RAD52: variants seen among roughly 807,000 people sequenced by gnomAD.
RAD52 encodes the protein DNA repair protein RAD52 homolog.
In RAD52, 47 loss-of-function variants were observed where a neutral mutation model predicts 55.5. The ratio of observed to expected loss-of-function variants is 0.85; its 90% CI spans 0.67 to 1.08. The LOEUF (loss-of-function observed/expected upper bound fraction) is 1.08. RAD52 is among the 50% of genes least tolerant of loss of function. RAD52 has a pLI of 0.00. For synonymous variants in RAD52, 184 were observed against 198.9 expected (o/e 0.92, Z 0.63); for missense variants, 468 against 522.8 (o/e 0.90, Z 1.02).
chr12:912,661 TGGAGAGAGCTGTGTTTGC>T lies in RAD52; in HGVS notation c.*712_*729del. 6.4e-6 allele frequency: 1 copy of T among 155,928 alleles called. No individual in the cohort carries two copies. The highest frequency in any genetic ancestry group is 1.3e-5 in the Non-Finnish European group (1 of 77,658). 9.7% of individuals were successfully genotyped at this position (155,928 alleles called of 1,614,324 possible). ...AGTATCACTTGGGCCCAAGAGGTTGTGGAGAGAGCTGTGTTTGCACCACTGAACTCCAGTCAGGGCAAC... is the reference window on the plus strand; with the variant it reads ...AGTATCACTTGGGCCCAAGAGGTTGTACCACTGAACTCCAGTCAGGGCAAC... On this transcript the variant is annotated 3_prime_UTR_variant, in exon 12 of 12. Coordinates refer to ENST00000358495, the MANE Select transcript of RAD52 (RefSeq NM_134424.4).
At chr12:945,842 G>T (rs964601122) in intron 1 of RAD52, among the ~76,000 whole-genome samples, 4 of 151,582 alleles carry the variant, frequency 2.6e-5, no homozygotes, top group South Asian at 4.2e-4. Context: ...GGCCAACATG[G>T]TGAAACTCCG....
chr12:930,356 G>A (rs1399455812), intron 3 of RAD52, among the ~76,000 whole-genome samples: 1 of 151,684 alleles, frequency 6.6e-6, no homozygotes, highest in Non-Finnish European at 1.5e-5. Flanking sequence ...TCCAGCCTAA[G>A]TGACAGAGTG....
At chr12:919,503 T>A (rs1045500208) in intron 7 of RAD52, among the ~76,000 whole-genome samples, 1 of 151,982 alleles carries the variant, frequency 6.6e-6, no homozygotes. Context: ...CCCAGAACTT[T>A]GGGAGGCCAA....
chr12:916,770 C>T lies in RAD52; in HGVS notation c.594G>A (p.Pro198=), dbSNP rs1241277375. The change falls in exon 8 of 12, where the codon CCG becomes CCA. Residue 198 remains proline, a synonymous_variant. Coordinates refer to ENST00000358495, the MANE Select transcript of RAD52 (RefSeq NM_134424.4). ...TGTTGTATCTTGCCTCCTCCACAGA[C>T]GGTTCAAGATCTTGTCTCTTCGCTT... ...LTKAKRQDLE[P]SVEEARYNSC... is the part of the protein sequence containing the mutation. 1 of 1,614,002 alleles carries T rather than the reference C, an allele frequency of 6.2e-7. No individual in the cohort carries two copies. The highest frequency in any genetic ancestry group is 1.3e-5 in the African/African-American group (1 of 74,926).
In RAD52 at chr12:978,982, A is replaced by T. The variant is rs369059444; in HGVS notation, c.-19+10827T>A. On this transcript the variant is annotated intron_variant, in intron 1 of 11. Transcript: ENST00000430095. Reference sequence around the variant, plus strand: ...GATTCAAAATGTAAAACTTTAAAAAAAAAGGTGTGCTCAGGGAAATCTCAT... The same window carrying T: ...GATTCAAAATGTAAAACTTTAAAAATAAAGGTGTGCTCAGGGAAATCTCAT... Among the ~76,000 whole-genome samples, 20 of 152,312 alleles carry T rather than the reference A, an allele frequency of 1.3e-4. No homozygotes were observed. In the East Asian group the frequency reaches 1.7e-3, roughly 13 times the overall value.
chr12:924,782 AAAAG>A (rs2154112365), intron 7 of RAD52, among the ~76,000 whole-genome samples: 1 of 152,284 alleles, frequency 6.6e-6, no homozygotes, highest in Non-Finnish European at 1.5e-5. Context: ...AGAACTAAGG[AAAAG>A]AAAGAAGGCT....
chr12:927,223 TC>T lies in RAD52; in HGVS notation c.388del (p.Glu130ArgfsTer18), dbSNP rs760599155. The T allele has an allele frequency of 6.2e-7, 1 of 1,614,096 alleles. No homozygotes were observed. The highest frequency in any genetic ancestry group is 8.5e-7 in the Non-Finnish European group (1 of 1,180,012). Reference protein sequence around the residue: ...YHEDVGYGVSEGLKSKALSLE... With the variant: ...YHEDVGYGVSXGLKSKALSLE... ...AGATAAAGCCTTGGACTTGAGGCCCTCACTAACACCATAACCAACATCTTCA... is the reference window on the plus strand; with the variant it reads ...AGATAAAGCCTTGGACTTGAGGCCCTACTAACACCATAACCAACATCTTCA... On this transcript the variant is annotated frameshift_variant, in exon 6 of 12. Coordinates refer to ENST00000358495, the MANE Select transcript of RAD52 (RefSeq NM_134424.4). LOFTEE classifies it high-confidence loss of function.
intron 1 of RAD52, among the ~76,000 whole-genome samples, chr12:972,506 C>T (rs1178590228): frequency 6.6e-6 from 1 of 152,050 alleles, no homozygotes; most frequent in East Asian, 1.9e-4. Flanking sequence ...GTGGCTCACG[C>T]CTGTAATCCC....
intron 1 of RAD52, among the ~76,000 whole-genome samples, chr12:940,930 T>C (rs1393599741): frequency 6.6e-6 from 1 of 152,028 alleles, no homozygotes; most frequent in Non-Finnish European, 1.5e-5. Context: ...CTAACTCACA[T>C]ACAATTGAAG....
rs1372391345 is a variant in RAD52, at chr12:932,889, A to G, written c.84+86T>C. The G allele has an allele frequency of 3.5e-6, 4 of 1,146,360 alleles. No homozygotes were observed. In the East Asian group the frequency reaches 9.4e-5, roughly 27 times the overall value. The allele number at this position is 1,146,360 out of a possible 1,614,324, so 71.0% of individuals were successfully genotyped here. A position where few individuals can be genotyped will look rare whatever the true frequency, so the allele number is the denominator to read the frequency against. ...TAAACGTACTAGGTACTGCTCACAC[A>G]TGTACTACGATGCTCTACAAACTGC... On this transcript the variant is annotated intron_variant, in intron 2 of 11. Coordinates refer to ENST00000358495, the MANE Select transcript of RAD52 (RefSeq NM_134424.4).
intron 1 of RAD52, among the ~76,000 whole-genome samples, chr12:957,673 C>T (rs1958627037): frequency 6.6e-6 from 1 of 151,830 alleles, no homozygotes; most frequent in Non-Finnish European, 1.5e-5. Context: ...ACCTGTGGTC[C>T]CAGCTACTTT....
chr12:982,705 A>T (rs2154121980), intron 1 of RAD52, among the ~76,000 whole-genome samples: 1 of 120,282 alleles, frequency 8.3e-6, no homozygotes, highest in South Asian at 2.5e-4. Context: ...TTGTTCTGTC[A>T]CATAGGCTGG....
intron 1 of RAD52, among the ~76,000 whole-genome samples, chr12:941,604 C>T (rs1247633733): frequency 2.0e-5 from 3 of 151,202 alleles, no homozygotes; most frequent in African/African-American, 7.3e-5. Context: ...AGGTGTGAGC[C>T]GCCACACCTG....
chr12:965,975 T>C (rs140934041), intron 1 of RAD52, among the ~76,000 whole-genome samples: 2,231 of 151,726 alleles, frequency 0.015, 166 homozygotes, highest in Admixed American at 0.12. Flanking sequence ...TGAACCACTG[T>C]GCCTGGCTGT....
rs10082835 is a variant in RAD52, at chr12:918,404, T to C, written c.544-1584A>G. Among the ~76,000 whole-genome samples, 1,147 of 152,112 alleles carry C rather than the reference T, an allele frequency of 7.5e-3. 13 individuals carry two copies. The highest frequency in any genetic ancestry group is 0.026 in the African/African-American group (1,089 of 41,504). ...AATTGGTGGCTTTCTTTGTTTTTTG[T>C]TTTGTTTTTTGAGAGAGGGTCTCGC... On this transcript the variant is annotated intron_variant, in intron 7 of 11. Coordinates refer to ENST00000358495, the MANE Select transcript of RAD52 (RefSeq NM_134424.4).
intron 1 of RAD52, among the ~76,000 whole-genome samples, chr12:943,832 C>G (rs1958048883): frequency 6.6e-6 from 1 of 151,588 alleles, no homozygotes; most frequent in Non-Finnish European, 1.5e-5. Context: ...ATCCTGAGCC[C>G]TAAGAAACCT....
At chr12:916,110 C>A (rs1214470796) in intron 9 of RAD52, 2 of 1,152,490 alleles carry the variant, frequency 1.7e-6, no homozygotes, top group East Asian at 6.6e-5. Context: ...TATCAAGGCC[C>A]ACTTAGTTCC....
chr12:943,973 T>C (rs1284848464), intron 1 of RAD52, among the ~76,000 whole-genome samples: 6 of 151,406 alleles, frequency 4.0e-5, no homozygotes, highest in African/African-American at 1.5e-4. Flanking sequence ...CCCAGCACTT[T>C]GGGAGGCTGA....
At chr12:913,730 C>T (rs1435732202) in intron 11 of RAD52, among the ~76,000 whole-genome samples, 164 bp downstream of exon 11, 1 of 152,146 alleles carries the variant, frequency 6.6e-6, no homozygotes, top group African/African-American at 2.4e-5. Flanking sequence ...CCAAAGGAAA[C>T]GTTCTGGCTC....
Sources: gnomAD v4.1 joint callset for allele counts (sites outside exome capture counted in the v4.1 genomes callset) on GRCh38, gnomAD v4.1.1 for gene constraint, MANE v1.5 for transcripts, NCBI Gene and HGNC (gene_info 2026-07-23, HGNC 2026-07-21) for gene names.